SLC5A4: variants seen among roughly 807,000 people sequenced by gnomAD.
SLC5A4 encodes solute carrier family 5 member 4.
SLC5A4 carries 55 observed loss-of-function variants against 70.3 expected under a neutral mutation model. The ratio of observed to expected loss-of-function variants is 0.78; its 90% CI spans 0.63 to 0.98. The LOEUF is 0.98. Ranked by LOEUF, SLC5A4 falls within the 50% of genes least tolerant of loss-of-function variation. SLC5A4 has a pLI of 0.00. For synonymous variants in SLC5A4, 268 were observed against 305.7 expected (o/e 0.88, Z 1.29); for missense variants, 735 against 839.2 (o/e 0.88, Z 1.53).
chr22:32,223,981 C>T (rs922102424), intron 13 of SLC5A4, among the ~76,000 whole-genome samples: 2 of 151,924 alleles, frequency 1.3e-5, no homozygotes, highest in Admixed American at 1.3e-4. Flanking sequence ...AGTGCAGTGG[C>T]CCGATCTTGG....
chr22:32,329,642 G>GGT, the SLC5A4 span, among the ~76,000 whole-genome samples: 4 of 79,916 alleles, frequency 5.0e-5, 1 homozygote, highest in East Asian at 3.9e-4. Context: ...AGGGCTCTGG[G>GGT]GTGTGTGTTG....
the SLC5A4 span, among the ~76,000 whole-genome samples, chr22:32,263,528 T>C: frequency 6.6e-6 from 1 of 152,148 alleles, no homozygotes; most frequent in Non-Finnish European, 1.5e-5. Context: ...AGAATGGCGA[T>C]CATTAAAAAG....
the SLC5A4 span, among the ~76,000 whole-genome samples, chr22:32,340,918 C>T: frequency 3.9e-5 from 6 of 152,098 alleles, no homozygotes; most frequent in East Asian, 7.7e-4. Context: ...CATGCGGAGG[C>T]GGCTGCCTCC....
chr22:32,268,253 C>T, the SLC5A4 span: 1 of 152,156 alleles, frequency 6.6e-6, no homozygotes, highest in African/African-American at 2.4e-5. Flanking sequence ...TCCTTCAACT[C>T]ATGACACTCT....
At chr22:32,332,547 C>A in the SLC5A4 span, among the ~76,000 whole-genome samples, 2 of 152,206 alleles carry the variant, frequency 1.3e-5, no homozygotes, top group African/African-American at 2.4e-5. Context: ...CCTTATCCTG[C>A]GGGCCTTCTG....
chr22:32,322,211 G>C, the SLC5A4 span, among the ~76,000 whole-genome samples: 2 of 152,152 alleles, frequency 1.3e-5, no homozygotes, highest in East Asian at 3.9e-4. Flanking sequence ...ATCACACAAG[G>C]CAAGTGAAAA....
chr22:32,345,478 A>G, the SLC5A4 span, among the ~76,000 whole-genome samples: 381 of 152,290 alleles, frequency 2.5e-3, 2 homozygotes, highest in Non-Finnish European at 4.2e-3. Flanking sequence ...TTTTTTCTTT[A>G]AAAACAATAA....
chr22:32,257,706 C>T (rs1228005062), upstream of SLC5A4, among the ~76,000 whole-genome samples: 1 of 146,686 alleles, frequency 6.8e-6, no homozygotes, highest in East Asian at 2.0e-4. Flanking sequence ...ACTCTTGTTG[C>T]CCAGGCTGGA....
chr22:32,333,927 CACAT>C, the SLC5A4 span, among the ~76,000 whole-genome samples: 28 of 140,184 alleles, frequency 2.0e-4, no homozygotes, highest in African/African-American at 2.3e-4. Context: ...CCACAACATA[CACAT>C]AGACACACGT....
chr22:32,257,901 C>T (rs988728498), upstream of SLC5A4, among the ~76,000 whole-genome samples: 10 of 151,250 alleles, frequency 6.6e-5, no homozygotes, highest in Admixed American at 2.6e-4. Context: ...AACTCCTGAC[C>T]GCAGGTAATT....
chr22:32,245,730 A>G (rs186465036), intron 5 of SLC5A4, among the ~76,000 whole-genome samples: 196 of 152,294 alleles, frequency 1.3e-3, no homozygotes, highest in Admixed American at 1.5e-3. Flanking sequence ...CATGTTGGTC[A>G]GGATGGTCTC....
chr22:32,220,928 A>G lies in SLC5A4; in HGVS notation c.1760T>C (p.Val587Ala). The change falls in exon 14 of 15, where the codon GTT becomes GCT. Residue 587 changes from valine to alanine, a missense_variant. Transcript: ENST00000266086. ...TGTAAACCAAATATTACCTTCTTCA[A>G]CACCATCATCTGTTTCTTCCTGACT... Reference protein sequence around the residue: ...EKSQEETDDGVEEDYPEKSRG... With the variant: ...EKSQEETDDGAEEDYPEKSRG... 6.2e-7 allele frequency: 1 copy of G among 1,605,848 alleles called. No individual in the cohort carries two copies. Among genetic ancestry groups the G allele is most frequent in the African/African-American group, 1.3e-5 (1 of 74,882 alleles).
chr22:32,307,646 G>C, the SLC5A4 span, among the ~76,000 whole-genome samples: 1 of 152,194 alleles, frequency 6.6e-6, no homozygotes, highest in Non-Finnish European at 1.5e-5. Flanking sequence ...CCCCAAAGTT[G>C]TTTGCATGCA....
At chr22:32,327,241 G>A in the SLC5A4 span, 5 of 152,252 alleles carry the variant, frequency 3.3e-5, no homozygotes, top group Non-Finnish European at 7.3e-5. Flanking sequence ...AAAAGGTGAT[G>A]GAGAAACATG....
intron 5 of SLC5A4, among the ~76,000 whole-genome samples, chr22:32,244,728 C>G (rs900935139): frequency 6.6e-6 from 1 of 152,036 alleles, no homozygotes; most frequent in Non-Finnish European, 1.5e-5. Context: ...AAGGGTCTCA[C>G]TATTTAGCCC....
chr22:32,306,416 A>G, the SLC5A4 span, among the ~76,000 whole-genome samples: 3 of 150,188 alleles, frequency 2.0e-5, no homozygotes, highest in African/African-American at 2.4e-5. Context: ...CAGTGACCCG[A>G]GATTGCACCA....
At chr22:32,342,229 T>C in the SLC5A4 span, among the ~76,000 whole-genome samples, 1 of 152,236 alleles carries the variant, frequency 6.6e-6, no homozygotes, top group Non-Finnish European at 1.5e-5. Context: ...CTTGAGAACC[T>C]CTTCCTTTTG....
At chr22:32,269,528 A>C in the SLC5A4 span, 1 of 611,894 alleles carries the variant, frequency 1.6e-6, no homozygotes. This position sits in a 1 kb window ranked among gnomAD's most constrained non-coding sequence, Gnocchi z 4.1. Context: ...CACGTGCTCC[A>C]TCGTGGCCAT....
chr22:32,253,510 C>G (rs886073056), intron 2 of SLC5A4, among the ~76,000 whole-genome samples: 1 of 152,246 alleles, frequency 6.6e-6, no homozygotes, highest in Non-Finnish European at 1.5e-5. Context: ...GGGCCAGCAT[C>G]AGCTCAGGAC....
Sources: gnomAD v4.1 joint callset for allele counts (sites outside exome capture counted in the v4.1 genomes callset) on GRCh38, gnomAD v4.1.1 for gene constraint, Gnocchi (gnomAD v3.1) non-coding constraint, MANE v1.5 for transcripts, NCBI Gene and HGNC (gene_info 2026-07-23, HGNC 2026-07-21) for gene names.